The following P2RX5 variants were observed in gnomAD, a reference collection of about 807,000 sequenced individuals.
P2RX5 encodes P2X purinoceptor 5.
In P2RX5, 46 loss-of-function variants were observed where a neutral mutation model predicts 54.1. The ratio of observed to expected loss-of-function variants is 0.85; its 90% confidence interval spans 0.67 to 1.09. P2RX5 has a LOEUF of 1.09. Among genes scored for constraint, P2RX5 ranks in the 50% least tolerant of loss-of-function variants. The pLI is 0.00. For synonymous variants in P2RX5, 226 were observed against 226.4 expected (o/e 1.00, Z 0.02); for missense variants, 566 against 549.8 (o/e 1.03, Z -0.29).
the P2RX5 span, chr17:3,723,761 G>A: frequency 1.2e-6 from 2 of 1,605,918 alleles, no homozygotes; most frequent in Non-Finnish European, 1.7e-6. Flanking sequence ...CGAGAGCCAT[G>A]ACCGCGACGC....
chr17:3,688,316 G>C (rs1597263748), intron 8 of P2RX5, among the ~76,000 whole-genome samples: 2 of 152,200 alleles, frequency 1.3e-5, no homozygotes, highest in East Asian at 3.9e-4. Context: ...TGAGGAGCAA[G>C]GGCTTCCCCA....
chr17:3,711,367 ATTCTTTTTTTTTTTTT>A, the P2RX5 span, among the ~76,000 whole-genome samples: 2 of 88,154 alleles, frequency 2.3e-5, no homozygotes, highest in Non-Finnish European at 2.1e-5. Flanking sequence ...CCCAGCACTC[ATTCTTTTTTTTTTTTT>A]TTTTTTTTTT....
At chr17:3,714,915 G>T in the P2RX5 span, 2 of 1,608,406 alleles carry the variant, frequency 1.2e-6, no homozygotes, top group South Asian at 1.1e-5. Flanking sequence ...AAGTTCAGTT[G>T]TTGATATTTT....
intron 2 of P2RX5, 59 bp from the exon 3 acceptor site, chr17:3,691,086 T>C: frequency 8.0e-7 from 1 of 1,256,204 alleles, no homozygotes; most frequent in Non-Finnish European, 1.2e-6. Flanking sequence ...CCACCCCACC[T>C]TTCCAGCGTT....
chr17:3,691,080 C>G (rs1033709814), intron 2 of P2RX5, 53 bp from the exon 3 acceptor site: 3 of 1,335,402 alleles, frequency 2.2e-6, no homozygotes, highest in Non-Finnish European at 3.2e-6. Context: ...TAGGGACCAC[C>G]CCACCTTTCC....
Position 3,673,460 on chromosome 17 carries a change from C to A in P2RX5, c.*408G>T, listed in dbSNP as rs896646796. The A allele has an allele frequency of 9.9e-6, 11 of 1,107,310 alleles. No individual in the cohort carries two copies. The South Asian group carries it at 2.5e-4, about 25-fold the overall frequency. 68.6% of individuals were successfully genotyped at this position (1,107,310 alleles called of 1,614,324 possible). A position where few individuals can be genotyped will look rare whatever the true frequency, so the allele number is the denominator to read the frequency against. Reference sequence around the variant, plus strand: ...CTTGCAGAGGGGAGTGGGCTGGAACCAAATGGAGCCCTTTTCCGGACACGC... The same window carrying A: ...CTTGCAGAGGGGAGTGGGCTGGAACAAAATGGAGCCCTTTTCCGGACACGC... On this transcript the variant is annotated 3_prime_UTR_variant, in exon 12 of 12. Coordinates refer to ENST00000225328, the MANE Select transcript of P2RX5 (RefSeq NM_002561.4).
chr17:3,700,050 G>A (rs1044652900), upstream of P2RX5, among the ~76,000 whole-genome samples: 3 of 152,178 alleles, frequency 2.0e-5, no homozygotes, highest in Admixed American at 1.3e-4. Context: ...GCATTGTGAT[G>A]TGGAATATAC....
At chr17:3,688,904 A>G in intron 7 of P2RX5, 145 bp from the exon 8 acceptor site, 3 of 862,460 alleles carry the variant, frequency 3.5e-6, no homozygotes, top group Non-Finnish European at 5.7e-6. Context: ...CAGGAGGCTT[A>G]GTCCCCCCAT....
Position 3,690,067 on chromosome 17 carries a change from T to G in P2RX5, c.614+3A>C. ...GTGGCCCCCAGTAGCCAAGCCCACG[T>G]ACTTGGAGAAGTTGAATTTGGGGAA... On this transcript the variant is annotated splice_donor_region_variant and intron_variant, in intron 6 of 11. Transcript: ENST00000225328. 21 of 1,613,540 alleles carry G rather than the reference T, an allele frequency of 1.3e-5. No individual in the cohort carries two copies. Among genetic ancestry groups the G allele is most frequent in the Non-Finnish European group, 1.8e-5 (21 of 1,179,444 alleles).
At position 3,690,073 on chromosome 17, in the gene P2RX5, G is replaced by A; in HGVS notation, c.611C>T (p.Ser204Phe). Residue 204 changes from serine (S) to phenylalanine (F), a missense_variant, in exon 6 of 12, where the codon TCC (serine) becomes TTC (phenylalanine). Ser to Phe is a radical substitution (Grantham distance 155). Coordinates refer to ENST00000225328, the MANE Select transcript of P2RX5 (RefSeq NM_002561.4). ...NHIRFPKFNF[S>F]KSNVMDVKDR... is the part of the protein sequence containing the mutation. ...CCCAGTAGCCAAGCCCACGTACTTGGAGAAGTTGAATTTGGGGAAACGGAT... is the reference window on the plus strand; with the variant it reads ...CCCAGTAGCCAAGCCCACGTACTTGAAGAAGTTGAATTTGGGGAAACGGAT... 2 of 1,614,118 alleles carry A rather than the reference G, an allele frequency of 1.2e-6. No homozygotes were observed. The highest frequency in any genetic ancestry group is 1.7e-6 in the Non-Finnish European group (2 of 1,179,966).
upstream of P2RX5, among the ~76,000 whole-genome samples, chr17:3,699,086 C>T (rs56276137): frequency 0.37 from 52,173 of 142,654 alleles, 10,487 homozygotes; most frequent in East Asian, 0.61. Context: ...CACACACACA[C>T]ACACACACCT....
rs1007686207 is a variant in P2RX5, at chr17:3,677,309, C to G, written c.1259+2281G>C. 4 of 985,248 alleles carry G rather than the reference C, an allele frequency of 4.1e-6. No individual in the cohort carries two copies. The African/African-American group carries it at 7.0e-5, about 17-fold the overall frequency. 61.0% of individuals were successfully genotyped at this position (985,248 alleles called of 1,614,324 possible). On this transcript the variant is annotated intron_variant, in intron 11 of 11. Coordinates refer to ENST00000225328, the MANE Select transcript of P2RX5 (RefSeq NM_002561.4). ...CTCGGCAGGGTCAAGGCGACTGTAT[C>G]TCCCATCTGGGCAGGTCCATATTCC...
chr17:3,720,179 G>A, the P2RX5 span: 85 of 582,790 alleles, frequency 1.5e-4, 1 homozygote, highest in Admixed American at 1.3e-3. Context: ...CAAAGGCAGC[G>A]ATGGCAGAGC....
At chr17:3,690,041 C>T (rs775202395) in intron 6 of P2RX5, 29 bp downstream of exon 6, 17 of 1,602,794 alleles carry the variant, frequency 1.1e-5, no homozygotes, top group Middle Eastern at 1.7e-4. Context: ...AAGGCCCACC[C>T]GTGGCCCCCA....
In P2RX5 at chr17:3,688,770, G is replaced by A; in HGVS notation, c.754-11C>T. 3.1e-6 allele frequency: 5 copies of A among 1,613,926 alleles called. No individual in the cohort carries two copies. The highest frequency in any genetic ancestry group is 4.2e-6 in the Non-Finnish European group (5 of 1,179,932). On this transcript the variant is annotated splice_polypyrimidine_tract_variant and intron_variant, in intron 7 of 11. Transcript: ENST00000225328. ...TCCTATCACGCCACCCTTGATAAAA[G>A]AGAGATGAGGGTCAGCACACACAGC... is the stretch of plus-strand genomic sequence containing the variant.
chr17:3,694,861 GAGGA>G (rs1368867836), intron 1 of P2RX5, among the ~76,000 whole-genome samples: 1 of 152,230 alleles, frequency 6.6e-6, no homozygotes, highest in Non-Finnish European at 1.5e-5. Context: ...GAAGGCCAGG[GAGGA>G]AGGGAGAGGG....
chr17:3,717,687 G>GGACAAACTTACCTTTAAGGCCTC, the P2RX5 span: 2 of 152,176 alleles, frequency 1.3e-5, no homozygotes, highest in African/African-American at 4.8e-5. Context: ...GTGAAGGGCT[G>GGACAAACTTACCTTTAAGGCCTC]GACAAACTTA....
chr17:3,720,673 G>A, the P2RX5 span: 10 of 254,230 alleles, frequency 3.9e-5, no homozygotes, highest in East Asian at 1.1e-4. Flanking sequence ...CCTCCACCCC[G>A]TCAGGTTCAA....
the P2RX5 span, among the ~76,000 whole-genome samples, chr17:3,715,896 A>C: frequency 0.53 from 80,231 of 151,588 alleles, 22,093 homozygotes; most frequent in African/African-American, 0.64. Context: ...GTGGTTCATG[A>C]CTGTAATCCC....
Sources: allele counts gnomAD v4.1 joint callset (sites outside exome capture counted in the v4.1 genomes callset), GRCh38; gene constraint gnomAD v4.1.1; transcripts MANE v1.5; gene names NCBI Gene and HGNC (gene_info 2026-07-23, HGNC 2026-07-21).